The following DIDO1 variants were observed in gnomAD, a reference collection of about 807,000 sequenced individuals.
DIDO1 encodes the protein death-inducer obliterator 1.
Under a neutral mutation model 99.4 loss-of-function variants are expected in DIDO1, and 16 were observed. That is an observed-to-expected ratio of 0.16 (90% CI 0.11 to 0.24). The LOEUF (loss-of-function observed/expected upper bound fraction) is 0.24, where lower values mean the gene tolerates loss of function less well. DIDO1 is among the 10% of genes least tolerant of loss of function. The probability of loss-of-function intolerance (pLI) is 1.00; values close to 1 mark genes in which losing one functional copy is unlikely to be tolerated. For synonymous variants in DIDO1, 1,366 were observed against 1,239.1 expected, an observed-to-expected ratio of 1.10 and a Z score of -2.15; for missense variants, 2,996 against 3,014.0, an observed-to-expected ratio of 0.99 and a Z score of 0.14.
chr20:62,886,116 A>ACC (rs1268429488), intron 15 of DIDO1, among the ~76,000 whole-genome samples: 1 of 152,196 alleles, frequency 6.6e-6, no homozygotes, highest in Non-Finnish European at 1.5e-5. Context: ...AGGCTTACTT[A>ACC]CCCACCTTCC....
chr20:62,910,874 T>C lies in DIDO1; in HGVS notation c.739A>G (p.Lys247Glu). ...CCCAAGTCTCCAGGCTCCTCATCTTTGATGTCCTGAGCCGCCTTTCCCTCC... is the reference window on the plus strand; with the variant it reads ...CCCAAGTCTCCAGGCTCCTCATCTTCGATGTCCTGAGCCGCCTTTCCCTCC... ...KLEGKAAQDI[K>E]DEEPGDLGRP... Residue 247 changes from lysine to glutamate, a missense_variant, in exon 3 of 16, where the codon AAA (lysine) becomes GAA (glutamate). Coordinates refer to ENST00000395343, the MANE Select transcript of DIDO1 (RefSeq NM_001193369.2). 1 of 1,614,164 alleles carries C rather than the reference T, an allele frequency of 6.2e-7. No homozygotes were observed. Among genetic ancestry groups the C allele is most frequent in the Non-Finnish European group, 8.5e-7 (1 of 1,180,036 alleles).
chr20:62,884,105 C>T (rs2064257321), intron 15 of DIDO1, among the ~76,000 whole-genome samples: 2 of 152,330 alleles, frequency 1.3e-5, no homozygotes, highest in East Asian at 3.9e-4. Context: ...AGGACAGACA[C>T]CACGCTCACG....
rs2064149520 is a variant in DIDO1 at position 62,879,013 on chromosome 20, T to C, written c.*220A>G. The C allele has an allele frequency of 2.2e-6, 1 of 461,064 alleles. No individual in the cohort carries two copies. The highest frequency in any genetic ancestry group is 3.5e-5 in the East Asian group (1 of 28,912). The allele number at this position is 461,064 out of a possible 1,614,324, so 28.6% of individuals were successfully genotyped here. ...GCTCCGTAGGCAATTTCCCATTTCT[T>C]TTAATTTTAAATGGAAATATTAAAG... On this transcript the variant is annotated 3_prime_UTR_variant, in exon 16 of 16. Transcript: ENST00000395343. This position sits in a 1 kb window ranked among gnomAD's most constrained non-coding sequence, Gnocchi z 6.3.
At chr20:62,929,692 A>AAAAAAATATATATAT, upstream of DIDO1, among the ~76,000 whole-genome samples, 11 of 63,706 alleles carry the variant, frequency 1.7e-4, no homozygotes, top group African/African-American at 8.4e-4. Flanking sequence ...AAAAAGAAAA[A>AAAAAAATATATATAT]GTGTATATAT....
intron 6 of DIDO1, among the ~76,000 whole-genome samples, chr20:62,899,464 C>T (rs935001153): frequency 6.6e-6 from 1 of 152,158 alleles, no homozygotes; most frequent in African/African-American, 2.4e-5. Flanking sequence ...CGTCCATGGC[C>T]ACACTCAGAT....
At chr20:62,887,408 G>A in intron 15 of DIDO1, 1 of 985,470 alleles carries the variant, frequency 1.0e-6, no homozygotes, top group Non-Finnish European at 1.2e-6. Flanking sequence ...AGTGAATACA[G>A]AAAGACACTA....
At chr20:62,891,261 C>A in intron 14 of DIDO1, 106 bp from the exon 15 acceptor site, 1 of 1,517,972 alleles carries the variant, frequency 6.6e-7, no homozygotes. Flanking sequence ...ATCTCTCCGA[C>A]TCACAGCCAC....
rs2064938172 is a variant in DIDO1 at position 62,911,442 on chromosome 20, C to A, written c.171G>T (p.Leu57=). The A allele has an allele frequency of 6.2e-7, 1 of 1,612,044 alleles. No individual in the cohort carries two copies. The highest frequency in any genetic ancestry group is 1.3e-5 in the African/African-American group (1 of 74,914). Residue 57 remains leucine, a synonymous_variant, in exon 3 of 16, where the codon CTG becomes CTT. Coordinates refer to ENST00000395343, the MANE Select transcript of DIDO1 (RefSeq NM_001193369.2). The surrounding 1 kb of genome is among the most constrained non-coding windows in gnomAD (Gnocchi z 7.0). ...PLEPPPPQQQ[L]GLSLRRSGRQ... ...TCCCACTGCGCCGCAGGGACAGGCC[C>A]AGCTGCTGCTGTGGGGGTGGCGGCT... is the stretch of plus-strand genomic sequence containing the variant.
At chr20:62,919,037 G>C (rs2065088436) in intron 1 of DIDO1, among the ~76,000 whole-genome samples, 1 of 152,160 alleles carries the variant, frequency 6.6e-6, no homozygotes, top group African/African-American at 2.4e-5. Context: ...CATGTACCAT[G>C]ATGGCCCACT....
intron 6 of DIDO1, among the ~76,000 whole-genome samples, chr20:62,898,401 T>A (rs971639090): frequency 5.9e-5 from 9 of 152,216 alleles, no homozygotes; most frequent in Non-Finnish European, 1.0e-4. Flanking sequence ...ACTCCTTCCA[T>A]TTTTACAAAA....
rs1216148505 is a variant in DIDO1, at chr20:62,893,980, G to A, written c.2787C>T (p.Phe929=). The change falls in exon 12 of 16, where the codon TTC becomes TTT. Residue 929 remains phenylalanine, a synonymous_variant. Coordinates refer to ENST00000395343, the MANE Select transcript of DIDO1 (RefSeq NM_001193369.2). ...ASHPNVDRTY[F]PGPPGDGHPE... ...GATGGCCATCTCCTGGAGGCCCAGG[G>A]AAATACGTTCTGTCCACATTTGGAT... 9 of 1,613,710 alleles carry A rather than the reference G, an allele frequency of 5.6e-6. No individual in the cohort carries two copies. The highest frequency in any genetic ancestry group is 7.6e-6 in the Non-Finnish European group (9 of 1,179,782).
chr20:62,881,761 T>A lies in DIDO1; in HGVS notation c.4195A>T (p.Thr1399Ser). ...EEYDPERAFD[T>S]QLVERGRRHE... ...CGCCGCCCTCGCTCCACAAGCTGAG[T>A]GTCGAAGGCCCTCTCCGGGTCGTAC... The change falls in exon 16 of 16, where the codon ACT (threonine) becomes TCT (serine). Residue 1399 changes from threonine to serine, a missense_variant. This residue lies in a region of DIDO1 where 1,562 missense variants were observed against 1,412.6 expected (regional missense o/e 1.11). Transcript: ENST00000395343. This position sits in a 1 kb window ranked among gnomAD's most constrained non-coding sequence, Gnocchi z 8.3. 6.2e-7 allele frequency: 1 copy of A among 1,613,170 alleles called. No homozygotes were observed. The highest frequency in any genetic ancestry group is 8.5e-7 in the Non-Finnish European group (1 of 1,180,000).
chr20:62,902,125 T>C (rs937042038), intron 6 of DIDO1, among the ~76,000 whole-genome samples: 3 of 152,168 alleles, frequency 2.0e-5, no homozygotes, highest in Non-Finnish European at 2.9e-5. Flanking sequence ...AAGGGGCACC[T>C]GAGGGATGGA....
At position 62,920,626 on chromosome 20, in the gene DIDO1, G is replaced by A. The variant is rs141053074; in HGVS notation, c.-200+5813C>T. ...CTCTTAGAGAAGTGGTTCTCAAAGC[G>A]TGGTCCAGGGGTCCTTTTGGGAGGC... On this transcript the variant is annotated intron_variant, in intron 1 of 15. Transcript: ENST00000395343. Among the ~76,000 whole-genome samples the A allele has an allele frequency of 3.5e-4, 53 of 152,346 alleles. 1 individual carries two copies. The highest frequency in any genetic ancestry group is 7.9e-4 in the African/African-American group (33 of 41,588).
intron 1 of DIDO1, among the ~76,000 whole-genome samples, chr20:62,933,549 T>G (rs73619441): frequency 0.15 from 23,564 of 152,196 alleles, 2,113 homozygotes; most frequent in East Asian, 0.34. Flanking sequence ...ATGGCTGATA[T>G]CCTGGTTTTT....
chr20:62,887,892 T>G, intron 15 of DIDO1: 1 of 985,150 alleles, frequency 1.0e-6, no homozygotes, highest in Non-Finnish European at 1.2e-6. Context: ...TGATGCTGAG[T>G]TACAGAGAGT....
intron 15 of DIDO1, chr20:62,888,660 A>G: frequency 3.0e-6 from 3 of 985,570 alleles, no homozygotes; most frequent in Non-Finnish European, 3.6e-6. Context: ...CCTTACACAC[A>G]CACACGCGCG....
rs146044809 is a variant in DIDO1 at position 62,882,295 on chromosome 20, C to G, written c.3661G>C (p.Glu1221Gln). Residue 1221 changes from glutamate (E) to glutamine (Q), a missense_variant, in exon 16 of 16, where the codon GAA becomes CAA. This residue lies in a region of DIDO1 where 1,562 missense variants were observed against 1,412.6 expected (regional missense o/e 1.11). Coordinates refer to ENST00000395343, the MANE Select transcript of DIDO1 (RefSeq NM_001193369.2). ...GGATAGGCCGGAACGTCCGCTTCTT[C>G]CGGTTGAAGTCGGGTCCGCTTTTCG... Reference protein sequence around the residue: ...MDEKRTRLQPEEADVPAYPKV... With the variant: ...MDEKRTRLQPQEADVPAYPKV... 13 of 1,614,036 alleles carry G rather than the reference C, an allele frequency of 8.1e-6. No individual in the cohort carries two copies. The Admixed American group carries it at 1.7e-4, about 21-fold the overall frequency.
At chr20:62,884,677 G>A (rs1170323193) in intron 15 of DIDO1, among the ~76,000 whole-genome samples, 1 of 152,200 alleles carries the variant, frequency 6.6e-6, no homozygotes, top group African/African-American at 2.4e-5. Flanking sequence ...AGGAATACCA[G>A]GCCTGCCAGA....
Sources: allele counts gnomAD v4.1 joint callset (sites outside exome capture counted in the v4.1 genomes callset), GRCh38; gene constraint gnomAD v4.1.1; regional missense constraint gnomAD v4.1.1; non-coding constraint Gnocchi (gnomAD v3.1); transcripts MANE v1.5; gene names NCBI Gene and HGNC (gene_info 2026-07-23, HGNC 2026-07-21).